LIPF: variants seen among roughly 807,000 people sequenced by gnomAD.
LIPF encodes lipase F, gastric type.
In LIPF, 25 loss-of-function variants were observed where a neutral mutation model predicts 38.0. The ratio of observed to expected loss-of-function variants is 0.66; its 90% confidence interval spans 0.48 to 0.92. The LOEUF (loss-of-function observed/expected upper bound fraction) is 0.92. Ranked by LOEUF, LIPF falls within the 40% of genes least tolerant of loss-of-function variation. The probability of loss-of-function intolerance (pLI) is 0.00; values close to 1 mark genes in which losing one functional copy is unlikely to be tolerated. For missense variants in LIPF, 410 were observed against 469.9 expected (o/e 0.87, Z 1.18); for synonymous variants, 161 against 156.2 (o/e 1.03, Z -0.23).
Position 88,676,359 on chromosome 10 carries a change from T to C in LIPF, c.960+79T>C, listed in dbSNP as rs1009276244. 3.0e-5 allele frequency: 25 copies of C among 840,120 alleles called. No homozygotes were observed. In the Middle Eastern group the frequency reaches 8.0e-4, roughly 27 times the overall value. 52.0% of individuals were successfully genotyped at this position (840,120 alleles called of 1,614,324 possible). ...TTAAATGTTAAAGAAGAAATTATGT[T>C]AACTGCGCATCTGTTTTCCAAAGGA... On this transcript the variant is annotated intron_variant, in intron 9 of 9. Transcript: ENST00000238983.
intron 5 of LIPF, among the ~76,000 whole-genome samples, chr10:88,670,391 T>C (rs866156783): frequency 1.4e-4 from 22 of 152,338 alleles, no homozygotes; most frequent in African/African-American, 4.8e-4. Context: ...AAATGTAATA[T>C]ATTTTAGATA....
intron 4 of LIPF, chr10:88,669,629 G>A: frequency 2.4e-6 from 1 of 422,920 alleles, no homozygotes; most frequent in Non-Finnish European, 4.3e-6. Context: ...TTCAATTGTG[G>A]CTGCAATGCT....
intron 4 of LIPF, 148 bp downstream of exon 4, chr10:88,668,904 C>T: frequency 1.5e-6 from 1 of 661,374 alleles, no homozygotes; most frequent in Non-Finnish European, 2.5e-6. Flanking sequence ...TGGATTCTTC[C>T]ATGTACCTCA....
At chr10:88,665,140 AT>A (rs1841492212) in intron 1 of LIPF, among the ~76,000 whole-genome samples, 1 of 152,142 alleles carries the variant, frequency 6.6e-6, no homozygotes, top group African/African-American at 2.4e-5. Flanking sequence ...CTTTCTATAT[AT>A]TTGGTTGGGC....
At chr10:88,674,186 T>A (rs1841648471) in intron 7 of LIPF, among the ~76,000 whole-genome samples, 1 of 148,718 alleles carries the variant, frequency 6.7e-6, no homozygotes. Context: ...ATATTCTTTT[T>A]TTGAGATAGA....
chr10:88,678,786 G>T lies in LIPF; in HGVS notation c.*105G>T. On this transcript the variant is annotated 3_prime_UTR_variant, in exon 10 of 10. Transcript: ENST00000238983. ...ATGCAGTGCTTCTTTCTGTAATTTT[G>T]ACTTTAGAAATATATTGGCATCAAC... The T allele has an allele frequency of 1.4e-6, 1 of 729,924 alleles. No individual in the cohort carries two copies. The highest frequency in any genetic ancestry group is 2.7e-5 in the East Asian group (1 of 37,066). The allele number at this position is 729,924 out of a possible 1,614,324, so 45.2% of individuals were successfully genotyped here.
At chr10:88,664,837 A>T (rs975756272) in intron 1 of LIPF, among the ~76,000 whole-genome samples, 2 of 152,248 alleles carry the variant, frequency 1.3e-5, no homozygotes, top group African/African-American at 4.8e-5. Context: ...GGAATAGATC[A>T]GTAATCTAGT....
chr10:88,673,203 T>G (rs1300778256), intron 6 of LIPF, among the ~76,000 whole-genome samples: 1 of 152,172 alleles, frequency 6.6e-6, no homozygotes, highest in Non-Finnish European at 1.5e-5. Context: ...TCACCATTTC[T>G]CCTCCCAAAC....
chr10:88,664,874 CTA>C (rs1258614495), intron 1 of LIPF, among the ~76,000 whole-genome samples: 2 of 152,096 alleles, frequency 1.3e-5, no homozygotes, highest in East Asian at 1.9e-4. Flanking sequence ...TATTAATATG[CTA>C]TGTTTAATAT....
intron 1 of LIPF, among the ~76,000 whole-genome samples, chr10:88,665,283 G>T (rs1247362354): frequency 6.6e-6 from 1 of 152,122 alleles, no homozygotes; most frequent in Non-Finnish European, 1.5e-5. Context: ...TTTATGAGAT[G>T]CCCAGCATGT....
chr10:88,675,110 A>G (rs565694794), intron 7 of LIPF, among the ~76,000 whole-genome samples: 32 of 152,352 alleles, frequency 2.1e-4, no homozygotes, highest in Middle Eastern at 6.8e-3. Context: ...TATTAATGGC[A>G]TTAAGAGTCA....
At chr10:88,666,855 C>T (rs814625) in intron 1 of LIPF, among the ~76,000 whole-genome samples, 28,915 of 152,130 alleles carry the variant, frequency 0.19, 2,974 homozygotes, top group East Asian at 0.31. Context: ...ACACGTTATA[C>T]AGAGATTGGA....
chr10:88,673,264 G>A (rs560783300), intron 6 of LIPF, among the ~76,000 whole-genome samples: 2 of 152,034 alleles, frequency 1.3e-5, no homozygotes, highest in African/African-American at 4.8e-5. Context: ...CATTATGACA[G>A]TCTGTCATGT....
chr10:88,673,114 G>A (rs1376576314), intron 6 of LIPF, among the ~76,000 whole-genome samples: 1 of 152,088 alleles, frequency 6.6e-6, no homozygotes, highest in Non-Finnish European at 1.5e-5. Context: ...CTTCCTCAAA[G>A]AGAGTTGGGG....
chr10:88,668,596 G>C lies in LIPF; in HGVS notation c.262G>C (p.Ala88Pro), dbSNP rs1430921551. Residue 88 changes from alanine (A) to proline (P), a missense_variant, in exon 4 of 10, where the codon GCA (alanine) becomes CCA (proline). Physicochemically the swap from Ala to Pro is conservative, Grantham distance 27 (BLOSUM62 -1). Coordinates refer to ENST00000238983, the MANE Select transcript of LIPF (RefSeq NM_004190.4). ...TGTGTTTTTGCAGCATGGTTTGCTT[G>C]CATCAGCCACAAACTGGATTTCCAA... is the stretch of plus-strand genomic sequence containing the variant. ...PVVFLQHGLL[A>P]SATNWISNLP... The C allele has an allele frequency of 6.2e-7, 1 of 1,614,018 alleles. No homozygotes were observed. The highest frequency in any genetic ancestry group is 1.3e-5 in the African/African-American group (1 of 74,932).
At chr10:88,677,024 C>A (rs1841699338) in intron 9 of LIPF, among the ~76,000 whole-genome samples, 1 of 152,134 alleles carries the variant, frequency 6.6e-6, no homozygotes, top group Non-Finnish European at 1.5e-5. Flanking sequence ...TATTTTGTAA[C>A]CTTCTCTTCT....
rs1346724509 is a variant in LIPF at position 88,665,527 on chromosome 10, T to C, written c.-12+1036T>C. The C allele has an allele frequency of 2.0e-6, 3 of 1,534,846 alleles. No individual in the cohort carries two copies. In the South Asian group the frequency reaches 3.6e-5, roughly 18 times the overall value. On this transcript the variant is annotated intron_variant, in intron 1 of 9. Transcript: ENST00000238983. ...AAATTTATTCTGCCCTTGAACATCT[T>C]TGAGCCCATTGAGATGTTCTCCAAC...
chr10:88,675,248 G>C (rs1226915117), intron 7 of LIPF, among the ~76,000 whole-genome samples: 1 of 152,158 alleles, frequency 6.6e-6, no homozygotes, highest in Admixed American at 6.5e-5. Context: ...AAGCATAAAA[G>C]CTGAGAATTT....
At chr10:88,676,182 T>C (rs764536302) in intron 8 of LIPF, 27 bp from the exon 9 acceptor site, 1 of 1,363,838 alleles carries the variant, frequency 7.3e-7, no homozygotes, top group Non-Finnish European at 1.0e-6. Flanking sequence ...AATTTTTATT[T>C]GTTTGCTTTT....
Sources: allele counts gnomAD v4.1 joint callset (sites outside exome capture counted in the v4.1 genomes callset), GRCh38; gene constraint gnomAD v4.1.1; transcripts MANE v1.5; gene names NCBI Gene and HGNC (gene_info 2026-07-23, HGNC 2026-07-21).